GDF10: variants seen among roughly 807,000 people sequenced by gnomAD.
GDF10 encodes the protein growth differentiation factor 10.
Under a neutral mutation model 32.1 loss-of-function variants are expected in GDF10, and 23 were observed. The observed-to-expected ratio is 0.72, with a 90% confidence interval of 0.52 to 1.02. The LOEUF is 1.02. GDF10 is among the 50% of genes least tolerant of loss of function. The pLI, the probability that GDF10 is intolerant of heterozygous loss-of-function variation, is 0.00. For missense variants in GDF10, 764 were observed against 673.9 expected (o/e 1.13, Z -1.48); for synonymous variants, 328 against 303.1 (o/e 1.08, Z -0.85).
Position 47,310,172 on chromosome 10 carries a change from G to T in GDF10, c.696G>T (p.Pro232=), listed in dbSNP as rs782622929. ...SAQLDSEERD[P]GVPRPSPYAP... is the part of the protein sequence containing the mutation. The stretch of plus-strand genomic sequence containing the variant: ...AGCTGGATTCTGAGGAGAGGGACCC[G>T]GGGGTGCCCCGGCCCAGCCCCTATG... Residue 232 remains proline (P), a synonymous_variant, in exon 2 of 3, where the codon CCG becomes CCT. Coordinates refer to ENST00000580279, the MANE Select transcript of GDF10 (RefSeq NM_004962.5). 1.2e-6 allele frequency: 2 copies of T among 1,611,582 alleles called. No homozygotes were observed. The highest frequency in any genetic ancestry group is 8.5e-7 in the Non-Finnish European group (1 of 1,179,236).
chr10:47,301,044 CA>C lies in GDF10; in HGVS notation c.319+75del, dbSNP rs370106918. The C allele has an allele frequency of 9.8e-6, 10 of 1,018,620 alleles. No homozygotes were observed. In the African/African-American group the frequency reaches 1.7e-4, roughly 17 times the overall value. 63.1% of individuals were successfully genotyped at this position (1,018,620 alleles called of 1,614,324 possible). ...TCACTTTTCTGTCTCCCCACCCGTG[CA>C]CCTCTACTTTTCCTCTTCTAGCCAA... On this transcript the variant is annotated intron_variant, in intron 1 of 2. Transcript: ENST00000580279.
Position 47,300,352 on chromosome 10 carries a change from A to T in GDF10, c.-300A>T. Reference sequence around the variant, plus strand: ...CCGGGCCGGGCGCGCAGTGGGCTACAAACTTTCGCGGCGCGAGTCCGCCAA... The same window carrying T: ...CCGGGCCGGGCGCGCAGTGGGCTACTAACTTTCGCGGCGCGAGTCCGCCAA... On this transcript the variant is annotated 5_prime_UTR_variant, in exon 1 of 3. Coordinates refer to ENST00000580279, the MANE Select transcript of GDF10 (RefSeq NM_004962.5). 1 of 303,580 alleles carries T rather than the reference A, an allele frequency of 3.3e-6. No individual in the cohort carries two copies. Among genetic ancestry groups the T allele is most frequent in the East Asian group, 5.4e-5 (1 of 18,408 alleles). 18.8% of individuals were successfully genotyped at this position (303,580 alleles called of 1,614,324 possible).
intron 1 of GDF10, among the ~76,000 whole-genome samples, chr10:47,303,769 A>G (rs1264748415): frequency 6.6e-6 from 1 of 152,214 alleles, no homozygotes; most frequent in Admixed American, 6.5e-5. Context: ...TCACCTACCA[A>G]TGTGATACTG....
In GDF10 at chr10:47,312,603, C is replaced by T. The variant is rs1555207867; in HGVS notation, c.1248C>T (p.Ile416=). 3.2e-6 allele frequency: 5 copies of T among 1,578,340 alleles called. No individual in the cohort carries two copies. The highest frequency in any genetic ancestry group is 1.2e-5 in the South Asian group (1 of 84,492). Reference sequence around the variant, plus strand: ...CCTACTCCTTTTCTGCCTTGCAGATCGTTCGTCCATCCAACCATGCCACCA... The same window carrying T: ...CCTACTCCTTTTCTGCCTTGCAGATTGTTCGTCCATCCAACCATGCCACCA... ...AGACEFPMPK[I]VRPSNHATIQ... Residue 416 remains isoleucine, a splice_region_variant and synonymous_variant, in exon 3 of 3, where the codon ATC becomes ATT. Transcript: ENST00000580279.
intron 1 of GDF10, among the ~76,000 whole-genome samples, chr10:47,307,013 C>T (rs1228458976): frequency 6.6e-6 from 1 of 152,012 alleles, no homozygotes; most frequent in African/African-American, 2.4e-5. Flanking sequence ...CCCAGCACAC[C>T]GGGGGCCTCG....
At position 47,313,316 on chromosome 10, in the gene GDF10, G is replaced by T. The variant is rs1565750375; in HGVS notation, c.*524G>T. On this transcript the variant is annotated 3_prime_UTR_variant, in exon 3 of 3. Transcript: ENST00000580279. ...TGGTATGCACATGTAGCCAATATTG[G>T]TTTCTTTTTCTTAATATATATATTT... 1 of 151,992 alleles carries T rather than the reference G, an allele frequency of 6.6e-6. No homozygotes were observed. The highest frequency in any genetic ancestry group is 2.4e-5 in the African/African-American group (1 of 41,360). The allele number at this position is 151,992 out of a possible 1,614,324, so 9.4% of individuals were successfully genotyped here. A position where few individuals can be genotyped will look rare whatever the true frequency, so the allele number is the denominator to read the frequency against.
chr10:47,311,640 G>A (rs1361152027), intron 2 of GDF10, among the ~76,000 whole-genome samples: 1 of 152,222 alleles, frequency 6.6e-6, no homozygotes, highest in African/African-American at 2.4e-5. Flanking sequence ...AGAGGGAGGT[G>A]CCTGACATAG....
chr10:47,302,042 A>T (rs1249248233), intron 1 of GDF10, among the ~76,000 whole-genome samples: 1 of 152,098 alleles, frequency 6.6e-6, no homozygotes, highest in African/African-American at 2.4e-5. Flanking sequence ...CACTTAGCAG[A>T]CTCACCAGGT....
chr10:47,309,858 A>G lies in GDF10; in HGVS notation c.382A>G (p.Ile128Val). Residue 128 changes from isoleucine to valine, a missense_variant, in exon 2 of 3, where the codon ATC becomes GTC. Ile to Val is a conservative substitution (Grantham distance 29). Transcript: ENST00000580279. Reference protein sequence around the residue: ...NLTSMQDSEMILTATFHFYSE... With the variant: ...NLTSMQDSEMVLTATFHFYSE... Reference sequence around the variant, plus strand: ...GACTTCCATGCAAGACTCGGAAATGATCCTTACGGCCACTTTCCACTTCTA... The same window carrying G: ...GACTTCCATGCAAGACTCGGAAATGGTCCTTACGGCCACTTTCCACTTCTA... 6.2e-7 allele frequency: 1 copy of G among 1,612,886 alleles called. No homozygotes were observed. The highest frequency in any genetic ancestry group is 8.5e-7 in the Non-Finnish European group (1 of 1,179,722).
At chr10:47,309,674 G>A (rs542642140) in intron 1 of GDF10, 122 bp from the exon 2 acceptor site, 2 of 663,370 alleles carry the variant, frequency 3.0e-6, no homozygotes, top group African/African-American at 1.8e-5. Flanking sequence ...GAAGCAAAGC[G>A]GGGGAGGAGG....
At position 47,300,690 on chromosome 10, in the gene GDF10, G is replaced by C. The variant is rs1555206739; in HGVS notation, c.39G>C (p.Gly13=). The change falls in exon 1 of 3, where the codon GGG becomes GGC. Residue 13 remains glycine (G), a synonymous_variant. Coordinates refer to ENST00000580279, the MANE Select transcript of GDF10 (RefSeq NM_004962.5). ...CCGCTCGGACCAGCCCGGGACCCGG[G>C]CCCCAGCTGCTGCTGCTGCTGCTGC... ...HVPARTSPGP[G]PQLLLLLLPL... 3.1e-6 allele frequency: 5 copies of C among 1,602,248 alleles called. No homozygotes were observed. Among genetic ancestry groups the C allele is most frequent in the Non-Finnish European group, 4.3e-6 (5 of 1,176,412 alleles).
intron 1 of GDF10, among the ~76,000 whole-genome samples, chr10:47,303,323 C>T (rs4922501): frequency 0.064 from 9,794 of 152,202 alleles, 557 homozygotes; most frequent in African/African-American, 0.15. Context: ...CCACAGCCTG[C>T]GATACGTAAC....
At chr10:47,308,637 T>TC (rs1555207309) in intron 1 of GDF10, among the ~76,000 whole-genome samples, 1 of 151,924 alleles carries the variant, frequency 6.6e-6, no homozygotes, top group Non-Finnish European at 1.5e-5. Flanking sequence ...GAGCCCAGTG[T>TC]CCCCCACACA....
intron 1 of GDF10, among the ~76,000 whole-genome samples, chr10:47,306,879 G>A (rs115195534): frequency 1.0e-3 from 153 of 152,274 alleles, no homozygotes; most frequent in African/African-American, 3.5e-3. Context: ...GGGTTGGGCT[G>A]TGGATAGGAG....
intron 1 of GDF10, among the ~76,000 whole-genome samples, chr10:47,303,839 C>A (rs1588842513): frequency 6.6e-6 from 1 of 152,318 alleles, no homozygotes; most frequent in Middle Eastern, 3.4e-3. Flanking sequence ...GTCAAAAATG[C>A]CAAAATTCAA....
intron 1 of GDF10, among the ~76,000 whole-genome samples, chr10:47,305,718 A>T (rs546028959): frequency 6.6e-6 from 1 of 152,266 alleles, no homozygotes; most frequent in Non-Finnish European, 1.5e-5. Flanking sequence ...AGGCCTTTGG[A>T]TGAGGAAGTC....
intron 1 of GDF10, among the ~76,000 whole-genome samples, chr10:47,308,264 A>G (rs940960860): frequency 6.6e-6 from 1 of 152,114 alleles, no homozygotes; most frequent in Non-Finnish European, 1.5e-5. Flanking sequence ...TCAAGGCCAC[A>G]TGCTTGGGGA....
At position 47,310,015 on chromosome 10, in the gene GDF10, A is replaced by C. The variant is rs1555207449; in HGVS notation, c.539A>C (p.Asn180Thr). Residue 180 changes from asparagine (N) to threonine (T), a missense_variant, in exon 2 of 3, where the codon AAC becomes ACC. Transcript: ENST00000580279. ...CTGCTCTTCCGCAGCCTCTCGCAGA[A>C]CACGGCCACACAGGGGCTACTCCGC... ...QHLLFRSLSQ[N>T]TATQGLLRGA... 6.2e-7 allele frequency: 1 copy of C among 1,608,972 alleles called. No individual in the cohort carries two copies. Among genetic ancestry groups the C allele is most frequent in the South Asian group, 1.1e-5 (1 of 90,782 alleles).
Position 47,310,441 on chromosome 10 carries a change from A to G in GDF10, c.965A>G (p.Gln322Arg). 1 of 1,613,246 alleles carries G rather than the reference A, an allele frequency of 6.2e-7. No individual in the cohort carries two copies. Residue 322 changes from glutamine to arginine, a missense_variant, in exon 2 of 3, where the codon CAG becomes CGG. By Grantham distance (43) the Gln-to-Arg change is conservative. Coordinates refer to ENST00000580279, the MANE Select transcript of GDF10 (RefSeq NM_004962.5). ...CACGCACAGCACTTCCACAAGCACC[A>G]GCTGTGGCCCAGCCCCTTCCGGGCG... ...RAHAQHFHKH[Q>R]LWPSPFRALK... is the part of the protein sequence containing the mutation.
Sources: allele counts gnomAD v4.1 joint callset (sites outside exome capture counted in the v4.1 genomes callset), GRCh38; gene constraint gnomAD v4.1.1; transcripts MANE v1.5; gene names NCBI Gene and HGNC (gene_info 2026-07-23, HGNC 2026-07-21).